Variants in CTIF observed in about 807,000 individuals in gnomAD.
CTIF encodes CBP80/20-dependent translation initiation factor.
CTIF carries 21 observed loss-of-function variants against 66.0 expected under a neutral mutation model. That is an observed-to-expected ratio of 0.32 (90% CI 0.23 to 0.46). The LOEUF is 0.46. CTIF is among the 20% of genes least tolerant of loss of function. The pLI is 1.00. For synonymous variants in CTIF, 345 were observed against 326.4 expected (o/e 1.06, Z -0.62); for missense variants, 739 against 812.7 (o/e 0.91, Z 1.10).
intron 9 of CTIF, among the ~76,000 whole-genome samples, chr18:48,762,067 A>C (rs1226324994): frequency 1.3e-5 from 2 of 151,948 alleles, no homozygotes; most frequent in African/African-American, 4.8e-5. Flanking sequence ...TCCTCCTTCC[A>C]CCCAGGGCTA....
At chr18:48,717,402 AAAATAAATAAAT>A (rs145983579) in intron 7 of CTIF, among the ~76,000 whole-genome samples, 4,059 of 144,898 alleles carry the variant, frequency 0.028, 129 homozygotes, top group African/African-American at 0.078. Flanking sequence ...CTGTCTTTAA[AAAATAAATAAAT>A]AAATAAATAA....
intron 2 of CTIF, among the ~76,000 whole-genome samples, chr18:48,628,691 C>T (rs765149904): frequency 2.2e-4 from 34 of 152,144 alleles, no homozygotes; most frequent in Non-Finnish European, 5.9e-5. Flanking sequence ...GAGTAAGTGG[C>T]GGAGCTGAGA....
intron 10 of CTIF, among the ~76,000 whole-genome samples, chr18:48,854,202 T>TG (rs1213822054): frequency 2.0e-5 from 3 of 151,496 alleles, no homozygotes; most frequent in Admixed American, 1.3e-4. Flanking sequence ...GGAATGTGCA[T>TG]GGGGGGGAAA....
intron 9 of CTIF, among the ~76,000 whole-genome samples, chr18:48,773,318 G>A (rs1172376060): frequency 6.6e-6 from 1 of 152,238 alleles, no homozygotes; most frequent in Non-Finnish European, 1.5e-5. Flanking sequence ...GGGGTTCTAG[G>A]TAGCCACGTG....
chr18:48,730,552 CTGTGTGAGGGGCTTCT>C (rs1568171855), intron 7 of CTIF, among the ~76,000 whole-genome samples: 6,354 of 36,990 alleles, frequency 0.17, 2,176 homozygotes, highest in Admixed American at 0.18. Flanking sequence ...GGGGCTTCTG[CTGTGTGAGGGGCTTCT>C]GCGGTGTGAG....
chr18:48,716,882 CA>C (rs1475836341), intron 7 of CTIF, among the ~76,000 whole-genome samples: 3 of 152,190 alleles, frequency 2.0e-5, no homozygotes, highest in Admixed American at 2.0e-4. Flanking sequence ...ACTCCATGTG[CA>C]AAGCAGATTG....
intron 7 of CTIF, among the ~76,000 whole-genome samples, chr18:48,754,799 GGGCT>G (rs1311685602): frequency 6.6e-6 from 1 of 152,228 alleles, no homozygotes; most frequent in African/African-American, 2.4e-5. Context: ...TATATTGTCA[GGGCT>G]GGCTGGCTCC....
rs549948824 is a variant in CTIF, at chr18:48,828,062, A to G, written c.1527+10686A>G. Among the ~76,000 whole-genome samples, 11 of 126,280 alleles carry G rather than the reference A, an allele frequency of 8.7e-5. 1 individual carries two copies. The highest frequency in any genetic ancestry group is 1.9e-4 in the Admixed American group (2 of 10,642). The allele number at this position is 126,280 out of a possible 152,430, so 82.8% of individuals were successfully genotyped here. Reference sequence around the variant, plus strand: ...CTTTGACTGTTCTGCTTCCTTAGCCAGACTCTGCAAACTGAAATGTGAAAT... The same window carrying G: ...CTTTGACTGTTCTGCTTCCTTAGCCGGACTCTGCAAACTGAAATGTGAAAT... On this transcript the variant is annotated intron_variant, in intron 10 of 11. Transcript: ENST00000256413.
chr18:48,676,511 G>A (rs2091631615), intron 6 of CTIF, among the ~76,000 whole-genome samples: 1 of 152,120 alleles, frequency 6.6e-6, no homozygotes, highest in Non-Finnish European at 1.5e-5. Context: ...ACCTAGCAGG[G>A]CCGGCTCCCC....
At chr18:48,851,798 A>C (rs2069207734) in intron 10 of CTIF, among the ~76,000 whole-genome samples, 1 of 151,500 alleles carries the variant, frequency 6.6e-6, no homozygotes, top group Middle Eastern at 3.4e-3. Flanking sequence ...GCCACCACCC[A>C]CTCTGTCTGG....
intron 7 of CTIF, among the ~76,000 whole-genome samples, chr18:48,748,197 G>A (rs547092444): frequency 6.6e-6 from 1 of 152,158 alleles, no homozygotes; most frequent in East Asian, 1.9e-4. Context: ...GCGAGACGGG[G>A]GTTCGGGCCC....
chr18:48,724,138 T>G (rs1001455749), intron 7 of CTIF, among the ~76,000 whole-genome samples: 1 of 152,224 alleles, frequency 6.6e-6, no homozygotes, highest in African/African-American at 2.4e-5. Context: ...AATTATGGGC[T>G]GGATGGGGTT....
At chr18:48,705,246 G>A (rs1389520379) in intron 6 of CTIF, among the ~76,000 whole-genome samples, 1 of 152,196 alleles carries the variant, frequency 6.6e-6, no homozygotes, top group Non-Finnish European at 1.5e-5. Flanking sequence ...TAGGGGAGGA[G>A]CCTTCTGCAC....
rs78293907 is a variant in CTIF at position 48,792,465 on chromosome 18, G to A, written c.1372-24756G>A. On this transcript the variant is annotated intron_variant, in intron 9 of 11. Coordinates refer to ENST00000256413, the MANE Select transcript of CTIF (RefSeq NM_014772.3). ...TTTAATAGCGTCACTCAGGCTGCTG[G>A]GTTGAGAGGAGTCTGAAAGGGTGGA... Among the ~76,000 whole-genome samples, 670 of 152,338 alleles carry A rather than the reference G, an allele frequency of 4.4e-3. 7 individuals carry two copies. The highest frequency in any genetic ancestry group is 0.016 in the African/African-American group (649 of 41,588).
At chr18:48,823,135 T>G (rs758748459) in intron 10 of CTIF, among the ~76,000 whole-genome samples, 1 of 152,240 alleles carries the variant, frequency 6.6e-6, no homozygotes, top group Non-Finnish European at 1.5e-5. Context: ...TGCTGATTAT[T>G]TCCTTTGCTG....
intron 6 of CTIF, among the ~76,000 whole-genome samples, chr18:48,688,826 G>C (rs1359503481): frequency 6.6e-6 from 1 of 152,232 alleles, no homozygotes; most frequent in Non-Finnish European, 1.5e-5. Context: ...CTTTGAAAAG[G>C]CTTCATCACT....
intron 1 of CTIF, among the ~76,000 whole-genome samples, chr18:48,575,102 A>G (rs558923081): frequency 2.0e-5 from 3 of 152,224 alleles, no homozygotes; most frequent in Non-Finnish European, 4.4e-5. Context: ...GGCAGGGTCC[A>G]GGGTGCAGGG....
At chr18:48,658,611 GTGTC>G (rs1244030422) in intron 3 of CTIF, among the ~76,000 whole-genome samples, 2 of 152,072 alleles carry the variant, frequency 1.3e-5, no homozygotes, top group African/African-American at 2.4e-5. Context: ...GTATGTATGT[GTGTC>G]TGGTATGTAT....
rs893594075 is a variant in CTIF, at chr18:48,609,983, C to T, written c.-28-9555C>T. ...CTGGGAGTGGGGCTGGAGGAAAGCCCGGGCCCATTGGCAGTGGGCGGAAGA... is the reference window on the plus strand; with the variant it reads ...CTGGGAGTGGGGCTGGAGGAAAGCCTGGGCCCATTGGCAGTGGGCGGAAGA... On this transcript the variant is annotated intron_variant, in intron 1 of 11. Coordinates refer to ENST00000256413, the MANE Select transcript of CTIF (RefSeq NM_014772.3). 2.6e-5 allele frequency among the ~76,000 whole-genome samples: 4 copies of T among 151,714 alleles called. No individual in the cohort carries two copies. In the East Asian group the frequency reaches 5.8e-4, roughly 22 times the overall value.
Sources: allele counts gnomAD v4.1 joint callset (sites outside exome capture counted in the v4.1 genomes callset), GRCh38; gene constraint gnomAD v4.1.1; transcripts MANE v1.5; gene names NCBI Gene and HGNC (gene_info 2026-07-23, HGNC 2026-07-21).